Variants in CREB3L4 observed in about 807,000 individuals in gnomAD.
CREB3L4 encodes cyclic AMP-responsive element-binding protein 3-like protein 4.
CREB3L4 carries 28 observed loss-of-function variants against 37.0 expected under a neutral mutation model. The observed-to-expected ratio is 0.76, with a 90% CI of 0.56 to 1.04. CREB3L4 has a LOEUF of 1.04. Ranked by LOEUF, CREB3L4 falls within the 50% of genes least tolerant of loss-of-function variation. The probability of loss-of-function intolerance (pLI) is 0.00; values close to 1 mark genes in which losing one functional copy is unlikely to be tolerated. For synonymous variants in CREB3L4, 175 were observed against 192.2 expected (o/e 0.91, Z 0.74); for missense variants, 462 against 486.0 (o/e 0.95, Z 0.46).
rs571378487 is a variant in CREB3L4 at position 153,973,083 on chromosome 1, G to A, written c.743+5G>A. 6.8e-6 allele frequency: 11 copies of A among 1,613,898 alleles called. No homozygotes were observed. The highest frequency in any genetic ancestry group is 5.0e-5 in the Admixed American group (3 of 60,020). On this transcript the variant is annotated splice_donor_5th_base_variant and intron_variant, in intron 6 of 9. Coordinates refer to ENST00000368607, the MANE Select transcript of CREB3L4 (RefSeq NM_001255978.2). ...CATTGATGGGCTGGAGAGCAGGTAC[G>A]CCTGGGTTATTTCTGGCTTCTTGTG... is the stretch of plus-strand genomic sequence containing the variant.
chr1:153,972,324 G>A (rs1188487781), intron 4 of CREB3L4, among the ~76,000 whole-genome samples: 3 of 152,174 alleles, frequency 2.0e-5, no homozygotes, highest in Non-Finnish European at 4.4e-5. Context: ...AGGTTGACGG[G>A]CAACTGGATA....
rs777111235 is a variant in CREB3L4 at position 153,969,370 on chromosome 1, G to A, written c.458G>A (p.Cys153Tyr). 3 of 1,614,186 alleles carry A rather than the reference G, an allele frequency of 1.9e-6. No individual in the cohort carries two copies. The highest frequency in any genetic ancestry group is 1.7e-6 in the Non-Finnish European group (2 of 1,180,026). ...WSPAFMVPDS[C>Y]MVSELPFDAH... ...CCAGCATTTATGGTGCCTGATTCCT[G>A]CATGGTCAGTGAGCTGCCCTTTGAT... Residue 153 changes from cysteine to tyrosine, a missense_variant, in exon 4 of 10, where the codon TGC becomes TAC. By Grantham distance (194) the Cys-to-Tyr change is radical. Coordinates refer to ENST00000368607, the MANE Select transcript of CREB3L4 (RefSeq NM_001255978.2).
chr1:153,972,239 G>A (rs1218857219), intron 4 of CREB3L4, among the ~76,000 whole-genome samples: 1 of 152,192 alleles, frequency 6.6e-6, no homozygotes, highest in Non-Finnish European at 1.5e-5. Context: ...TGTATGAGAG[G>A]GGACAGAACC....
At chr1:153,971,672 G>C (rs990253743) in intron 4 of CREB3L4, among the ~76,000 whole-genome samples, 2 of 147,748 alleles carry the variant, frequency 1.4e-5, no homozygotes, top group African/African-American at 5.0e-5. Flanking sequence ...TGGACTGGAA[G>C]AGACACTCCT....
rs778239296 is a variant in CREB3L4, at chr1:153,968,690, C to T, written c.165C>T (p.Asp55=). 2 of 1,613,582 alleles carry T rather than the reference C, an allele frequency of 1.2e-6. No homozygotes were observed. Among genetic ancestry groups the T allele is most frequent in the South Asian group, 2.2e-5 (2 of 91,060 alleles). ...TGCAAGGCTGGAAGTCCGGTGGGGACCGTGGCTGTGTGAGTGTGACGAGTG... is the reference window on the plus strand; with the variant it reads ...TGCAAGGCTGGAAGTCCGGTGGGGATCGTGGCTGTGTGAGTGTGACGAGTG... ...QGLQGWKSGG[D]RGCGLQESEP... Residue 55 remains aspartate (D), a synonymous_variant, in exon 2 of 10, where the codon GAC becomes GAT. Transcript: ENST00000368607.
chr1:153,973,555 C>T, intron 8 of CREB3L4, 65 bp from the exon 9 acceptor site: 2 of 1,559,490 alleles, frequency 1.3e-6, no homozygotes, highest in Non-Finnish European at 1.8e-6. Context: ...CATCCGATAA[C>T]CCCAGCTGGC....
chr1:153,968,843 A>T, intron 2 of CREB3L4, 87 bp from the exon 3 acceptor site: 1 of 1,527,756 alleles, frequency 6.5e-7, no homozygotes, highest in East Asian at 2.3e-5. Context: ...CATGCCCAAG[A>T]AGTGAAAGGA....
chr1:153,967,559 G>A (rs1405762734), upstream of CREB3L4: 1 of 152,240 alleles, frequency 6.6e-6, no homozygotes, highest in Non-Finnish European at 1.5e-5. Context: ...GCTGAGGCGG[G>A]AGAATCACCT....
rs773599804 is a variant in CREB3L4, at chr1:153,973,390, G to C, written c.823G>C (p.Ala275Pro). The change falls in exon 8 of 10, where the codon GCT (alanine) becomes CCT (proline). Residue 275 changes from alanine (A) to proline (P), a missense_variant. Transcript: ENST00000368607. ...TTCCTCCTTTCCCAGCTCCTTGGTA[G>C]CTCAGCTCCGCCAGCTGCAGACGCT... ...ELERHNISLV[A>P]QLRQLQTLIA... The C allele has an allele frequency of 3.1e-6, 5 of 1,613,984 alleles. No individual in the cohort carries two copies. Among genetic ancestry groups the C allele is most frequent in the Non-Finnish European group, 4.2e-6 (5 of 1,180,030 alleles).
intron 6 of CREB3L4, 58 bp from the exon 7 acceptor site, chr1:153,973,137 G>T: frequency 6.2e-7 from 1 of 1,611,172 alleles, no homozygotes; most frequent in Non-Finnish European, 8.5e-7. Flanking sequence ...TCCTCACCAT[G>T]GGAGGCAAGG....
rs1304901535 is a variant in CREB3L4 at position 153,973,991 on chromosome 1, C to T, written c.1114C>T (p.Leu372=). Residue 372 remains leucine (L), a synonymous_variant, in exon 10 of 10, where the codon CTG becomes TTG. Transcript: ENST00000368607. ...GGATGCAAATGGCTCAACAAGGACA[C>T]TGCTTGAGAAGATGGGAGGGAAGCC... ...AKDANGSTRT[L]LEKMGGKPRP... 3.7e-6 allele frequency: 6 copies of T among 1,614,174 alleles called. No individual in the cohort carries two copies. In the South Asian group the frequency reaches 5.5e-5, roughly 15 times the overall value.
upstream of CREB3L4, chr1:153,967,698 T>C (rs1397181153): frequency 5.9e-5 from 9 of 152,170 alleles, no homozygotes; most frequent in Non-Finnish European, 1.2e-4. Flanking sequence ...GCGGCCCCAT[T>C]GGCCTGACTC....
rs544137138 is a variant in CREB3L4, at chr1:153,971,592, T to TC, written c.544-1152_544-1151insC. 6.7e-5 allele frequency among the ~76,000 whole-genome samples: 10 copies of TC among 148,544 alleles called. No homozygotes were observed. In the South Asian group the frequency reaches 8.5e-4, roughly 13 times the overall value. ...TCTGTTTTCTTTTTCTTTTTCTTTT[T>TC]TTTTTTTTTTTTTTGTTGTTTGTTT... On this transcript the variant is annotated intron_variant, in intron 4 of 9. Transcript: ENST00000368607.
intron 1 of CREB3L4, 158 bp downstream of exon 1, chr1:153,968,322 G>A: frequency 1.8e-6 from 1 of 556,424 alleles, no homozygotes; most frequent in Non-Finnish European, 3.2e-6. Flanking sequence ...TAATGCTTGG[G>A]GGGGGCCTCT....
At chr1:153,970,981 G>C (rs1327788890) in intron 4 of CREB3L4, among the ~76,000 whole-genome samples, 2 of 147,770 alleles carry the variant, frequency 1.4e-5, no homozygotes, top group Non-Finnish European at 3.0e-5. Flanking sequence ...TTGACCTTGT[G>C]ATCCGCCCGC....
chr1:153,968,931 G>C lies in CREB3L4; in HGVS notation c.176G>C (p.Gly59Ala). ...GWKSGGDRGC[G>A]LQESEPEDFL... is the part of the protein sequence containing the mutation. ...ATATATAACCTTTTCCTACTGTAGG[G>C]CCTTCAAGAGAGTGAGCCTGAAGAT... Residue 59 changes from glycine to alanine, a missense_variant and splice_region_variant, in exon 3 of 10, where the codon GGC becomes GCC. Transcript: ENST00000368607. 6.2e-7 allele frequency: 1 copy of C among 1,607,926 alleles called. No individual in the cohort carries two copies. Among genetic ancestry groups the C allele is most frequent in the Non-Finnish European group, 8.5e-7 (1 of 1,176,518 alleles).
rs529365833 is a variant in CREB3L4, at chr1:153,969,207, G to A, written c.421+31G>A. Reference sequence around the variant, plus strand: ...TGTTCTTTGTGGGAAGGGGGAAATGGCCCTTCGGGACTGGCCCTAACCATG... The same window carrying A: ...TGTTCTTTGTGGGAAGGGGGAAATGACCCTTCGGGACTGGCCCTAACCATG... On this transcript the variant is annotated intron_variant, in intron 3 of 9. Coordinates refer to ENST00000368607, the MANE Select transcript of CREB3L4 (RefSeq NM_001255978.2). 14 of 1,613,920 alleles carry A rather than the reference G, an allele frequency of 8.7e-6. No homozygotes were observed. In the African/African-American group the frequency reaches 1.6e-4, roughly 18 times the overall value.
At position 153,972,801 on chromosome 1, in the gene CREB3L4, G is replaced by A. The variant is rs748336826; in HGVS notation, c.601G>A (p.Gly201Arg). ...GGAGAAGCGTCTGCTGGGGCAGGAA[G>A]GGGTTTCCCTGCCCTCTCACCTGCC... ...DEEKRLLGQE[G>R]VSLPSHLPLT... The change falls in exon 5 of 10, where the codon GGG becomes AGG. Residue 201 changes from glycine (G) to arginine (R), a missense_variant. Gly to Arg is a moderately radical substitution (Grantham distance 125). Coordinates refer to ENST00000368607, the MANE Select transcript of CREB3L4 (RefSeq NM_001255978.2). 1.9e-6 allele frequency: 3 copies of A among 1,613,770 alleles called. No homozygotes were observed. In the African/African-American group the frequency reaches 4.0e-5, roughly 22 times the overall value.
At position 153,974,192 on chromosome 1, in the gene CREB3L4, C is replaced by T. The variant is rs1232675644; in HGVS notation, c.*127C>T. 1.9e-5 allele frequency: 15 copies of T among 799,222 alleles called. No homozygotes were observed. The highest frequency in any genetic ancestry group is 2.9e-5 in the Non-Finnish European group (15 of 508,850). The allele number at this position is 799,222 out of a possible 1,614,324, so 49.5% of individuals were successfully genotyped here. ...AGGGGTCCAAATCACTTCAGGACAC[C>T]CCAAGAGATGTCCTTTAGTCTCTGC... On this transcript the variant is annotated 3_prime_UTR_variant, in exon 10 of 10. Transcript: ENST00000368607.
Sources: allele counts gnomAD v4.1 joint callset (sites outside exome capture counted in the v4.1 genomes callset), GRCh38; gene constraint gnomAD v4.1.1; transcripts MANE v1.5; gene names NCBI Gene and HGNC (gene_info 2026-07-23, HGNC 2026-07-21).